The following PTPN2 variants were observed in gnomAD, a reference collection of about 807,000 sequenced individuals.
PTPN2 encodes the protein protein tyrosine phosphatase non-receptor type 2, also known as tyrosine-protein phosphatase non-receptor type 2.
In PTPN2, 19 loss-of-function variants were observed where a neutral mutation model predicts 57.3. The ratio of observed to expected loss-of-function variants is 0.33; its 90% CI spans 0.23 to 0.49. The LOEUF (loss-of-function observed/expected upper bound fraction) is 0.49, where lower values mean the gene tolerates loss of function less well. PTPN2 is among the 20% of genes least tolerant of loss of function. The probability of loss-of-function intolerance (pLI) is 0.99; values close to 1 mark genes in which losing one functional copy is unlikely to be tolerated. For synonymous variants in PTPN2, 153 were observed against 164.9 expected (o/e 0.93, Z 0.55); for missense variants, 358 against 501.1 (o/e 0.71, Z 2.73).
chr18:12,785,784 C>A (rs2040831065), exon 10 of PTPN2: 4 of 1,601,648 alleles, frequency 2.5e-6, no homozygotes, highest in Non-Finnish European at 3.4e-6. Context: ...ATCAATGGTT[C>A]AAAATTTATA....
At position 12,809,707 on chromosome 18, in the gene PTPN2, A is replaced by G. The variant is rs1017181772; in HGVS notation, c.858+4496T>C. Among the ~76,000 whole-genome samples the G allele has an allele frequency of 2.6e-5, 4 of 152,192 alleles. No individual in the cohort carries two copies. In the South Asian group the frequency reaches 8.3e-4, roughly 32 times the overall value. On this transcript the variant is annotated intron_variant, in intron 7 of 8. Coordinates refer to ENST00000309660, the MANE Select transcript of PTPN2 (RefSeq NM_002828.4). ...TTTTGGACAGAGATGTAACATTGCA[A>G]CTTAAAGTTTTTTAGAACTTATGGA...
chr18:12,808,855 A>T (rs1034915918), intron 7 of PTPN2, among the ~76,000 whole-genome samples: 7 of 152,230 alleles, frequency 4.6e-5, no homozygotes, highest in African/African-American at 1.7e-4. Flanking sequence ...AAAAATTTTT[A>T]AAAAGATTTC....
chr18:12,870,812 C>T (rs1340432773), intron 1 of PTPN2, among the ~76,000 whole-genome samples: 13 of 151,874 alleles, frequency 8.6e-5, no homozygotes. Flanking sequence ...CCCGGCAGCA[C>T]ATACATATTT....
intron 7 of PTPN2, among the ~76,000 whole-genome samples, chr18:12,807,623 C>G (rs9960349): frequency 0.088 from 8,620 of 97,962 alleles, 600 homozygotes; most frequent in East Asian, 0.21. Flanking sequence ...ACTATTTGGC[C>G]ATTAAAAAAA....
rs148879913 is a variant in PTPN2 at position 12,817,363 on chromosome 18, A to G, written c.498T>C (p.Ser166=). The G allele has an allele frequency of 1.8e-4, 296 of 1,611,076 alleles. No homozygotes were observed. The African/African-American group carries it at 3.5e-3, about 19-fold the overall frequency. ...VHLLQLENIN[S]GETRTISHFH... ...AGTGAGATATTGTTCTGGTTTCACCACTCTAAAAAGTGAAAATCAAGGGAG... is the reference window on the plus strand; with the variant it reads ...AGTGAGATATTGTTCTGGTTTCACCGCTCTAAAAAGTGAAAATCAAGGGAG... Residue 166 remains serine, a splice_region_variant and synonymous_variant, in exon 6 of 9, where the codon AGT becomes AGC. Coordinates refer to ENST00000309660, the MANE Select transcript of PTPN2 (RefSeq NM_002828.4).
At chr18:12,808,653 C>A (rs988468849) in intron 7 of PTPN2, among the ~76,000 whole-genome samples, 21 of 152,204 alleles carry the variant, frequency 1.4e-4, no homozygotes, top group Admixed American at 1.1e-3. Context: ...TGGTGGCACA[C>A]GCCTATAGTC....
chr18:12,883,060 G>C (rs918626103), intron 1 of PTPN2, among the ~76,000 whole-genome samples: 2 of 152,196 alleles, frequency 1.3e-5, no homozygotes, highest in South Asian at 4.1e-4. Context: ...ACTACATATT[G>C]CATCTATGTG....
intron 2 of PTPN2, among the ~76,000 whole-genome samples, chr18:12,858,020 A>C (rs1439440909): frequency 6.6e-6 from 1 of 152,222 alleles, no homozygotes; most frequent in Non-Finnish European, 1.5e-5. Context: ...AATAAAAATA[A>C]GGATTTTTTT....
At chr18:12,849,395 C>T (rs2043316035) in intron 2 of PTPN2, among the ~76,000 whole-genome samples, 1 of 152,150 alleles carries the variant, frequency 6.6e-6, no homozygotes, top group South Asian at 2.1e-4. Flanking sequence ...CCCATCTCTA[C>T]TGAAAATACA....
chr18:12,789,884 A>G (rs144000792), downstream of PTPN2, among the ~76,000 whole-genome samples: 47 of 150,888 alleles, frequency 3.1e-4, no homozygotes, highest in African/African-American at 1.1e-3. Context: ...GTGTGTATAT[A>G]TATATGTATG....
At chr18:12,848,555 A>T (rs182813880) in intron 2 of PTPN2, among the ~76,000 whole-genome samples, 19 of 152,362 alleles carry the variant, frequency 1.2e-4, no homozygotes, top group Admixed American at 3.3e-4. Context: ...CTTGAAACTC[A>T]GTTGCCTTGT....
In PTPN2 at chr18:12,874,870, G is replaced by A. The variant is rs1329044510; in HGVS notation, c.69+9203C>T. On this transcript the variant is annotated intron_variant, in intron 1 of 8. Transcript: ENST00000309660. ...GTGGTTTTGTGGAATAGAAAGCAGG[G>A]AAAGGTGGGGAAAAGATTGAGAAAT... Among the ~76,000 whole-genome samples the A allele has an allele frequency of 3.9e-5, 6 of 152,346 alleles. No individual in the cohort carries two copies. The East Asian group carries it at 1.2e-3, about 29-fold the overall frequency.
chr18:12,866,833 T>A (rs1396337933), intron 1 of PTPN2, among the ~76,000 whole-genome samples: 2 of 151,722 alleles, frequency 1.3e-5, no homozygotes, highest in African/African-American at 4.8e-5. Flanking sequence ...TGAAACTCCA[T>A]CTCTACTAAA....
At chr18:12,870,509 T>A (rs1210760294) in intron 1 of PTPN2, among the ~76,000 whole-genome samples, 1 of 68,032 alleles carries the variant, frequency 1.5e-5, no homozygotes, top group Non-Finnish European at 2.6e-5. Context: ...AAAAGCGTGT[T>A]GTTTTTTTTT....
At chr18:12,816,104 G>T (rs1164390598) in intron 6 of PTPN2, among the ~76,000 whole-genome samples, 1 of 152,162 alleles carries the variant, frequency 6.6e-6, no homozygotes, top group Non-Finnish European at 1.5e-5. Context: ...AGGAATTTGA[G>T]ACTAGCCTGG....
At chr18:12,860,259 A>G (rs2043751066) in intron 1 of PTPN2, among the ~76,000 whole-genome samples, 1 of 151,126 alleles carries the variant, frequency 6.6e-6, no homozygotes, top group South Asian at 2.1e-4. Flanking sequence ...ATTGCACTCC[A>G]GTCTGGGCGA....
chr18:12,827,217 C>CCTA (rs1349847567), intron 4 of PTPN2, among the ~76,000 whole-genome samples: 1 of 151,922 alleles, frequency 6.6e-6, no homozygotes, highest in Non-Finnish European at 1.5e-5. Flanking sequence ...GTGGTGGACG[C>CCTA]CTGTAGCCTC....
At chr18:12,850,399 G>C (rs2043353415) in intron 2 of PTPN2, among the ~76,000 whole-genome samples, 2 of 152,070 alleles carry the variant, frequency 1.3e-5, no homozygotes, top group African/African-American at 2.4e-5. Flanking sequence ...TGAGGCAGGA[G>C]AATTGCTTGA....
intron 2 of PTPN2, among the ~76,000 whole-genome samples, chr18:12,857,060 C>CAAAAA (rs57221505): frequency 3.0e-5 from 3 of 100,984 alleles, no homozygotes; most frequent in Non-Finnish European, 5.5e-5. Flanking sequence ...GACACCATCT[C>CAAAAA]AAAAAAAAAA....
Sources: gnomAD v4.1 joint callset for allele counts (sites outside exome capture counted in the v4.1 genomes callset) on GRCh38, gnomAD v4.1.1 for gene constraint, MANE v1.5 for transcripts, NCBI Gene and HGNC (gene_info 2026-07-23, HGNC 2026-07-21) for gene names.